ACP6: variants seen among roughly 807,000 people sequenced by gnomAD.
ACP6 encodes acid phosphatase 6, lysophosphatidic, also known as lysophosphatidic acid phosphatase type 6.
In ACP6, 48 loss-of-function variants were observed where a neutral mutation model predicts 48.1. The observed-to-expected ratio is 1.00, with a 90% CI of 0.79 to 1.27. ACP6 has a LOEUF of 1.27. Ranked by LOEUF, ACP6 falls within the 50% of genes most tolerant of loss-of-function variation. The pLI is 0.00. For synonymous variants in ACP6, 172 were observed against 204.2 expected, an observed-to-expected ratio of 0.84 and a Z score of 1.34; for missense variants, 485 against 529.1, an observed-to-expected ratio of 0.92 and a Z score of 0.82.
In ACP6 at chr1:147,653,443, T is replaced by TAAA. The variant is rs879991731; in HGVS notation, c.780+748_780+750dup. ...CATGCCTGGCCTGTATTTTTTAACTTAAAAAAAAAAGATGAATAAAATACA... is the reference window on the plus strand; with the variant it reads ...CATGCCTGGCCTGTATTTTTTAACTTAAAAAAAAAAAAAGATGAATAAAATACA... On this transcript the variant is annotated intron_variant, in intron 6 of 9. Transcript: ENST00000583509. Among the ~76,000 whole-genome samples, 1,114 of 149,340 alleles carry TAAA rather than the reference T, an allele frequency of 7.5e-3. 11 individuals are homozygous for TAAA. The highest frequency in any genetic ancestry group is 0.024 in the African/African-American group (973 of 40,894).
At chr1:147,639,396 G>A (rs142317539), downstream of ACP6, among the ~76,000 whole-genome samples, 140 of 152,248 alleles carry the variant, frequency 9.2e-4, no homozygotes, top group African/African-American at 3.1e-3. Context: ...CAAGGCCCAG[G>A]TAAGCTGTGC....
intron 8 of ACP6, 37 bp from the exon 9 acceptor site, chr1:147,648,448 C>T (rs1553209967): frequency 6.2e-7 from 1 of 1,610,498 alleles, no homozygotes; most frequent in Non-Finnish European, 8.5e-7. Flanking sequence ...TTCTCTGCCT[C>T]AGGACTCTGA....
At chr1:147,648,642 C>G (rs1398287333) in intron 8 of ACP6, among the ~76,000 whole-genome samples, 1 of 152,120 alleles carries the variant, frequency 6.6e-6, no homozygotes, top group Non-Finnish European at 1.5e-5. Flanking sequence ...CTGGCCTCCT[C>G]CTTGCCACCT....
intron 5 of ACP6, among the ~76,000 whole-genome samples, chr1:147,636,007 A>C (rs1659289223): frequency 6.6e-6 from 1 of 152,180 alleles, no homozygotes; most frequent in South Asian, 2.1e-4. Context: ...CTTTCAAGAA[A>C]TAGGAGGTGG....
intron 8 of ACP6, chr1:147,649,891 T>C (rs1332012128): frequency 5.9e-6 from 3 of 509,990 alleles, no homozygotes; most frequent in Non-Finnish European, 1.0e-5. Context: ...GGCTACTGTT[T>C]GACATATCTT....
Position 147,644,666 on chromosome 1 carries a change from T to C in ACP6, c.*2757A>G, listed in dbSNP as rs1290451259. On this transcript the variant is annotated 3_prime_UTR_variant, in exon 10 of 10. Coordinates refer to ENST00000583509, the MANE Select transcript of ACP6 (RefSeq NM_016361.5). ...TGAAGAGAGATACAACAGGAGTTAC[T>C]GATGTAGTAGAGGTAGGATATGAGA... 1 of 152,202 alleles carries C rather than the reference T, an allele frequency of 6.6e-6. No individual in the cohort carries two copies. The highest frequency in any genetic ancestry group is 2.4e-5 in the African/African-American group (1 of 41,438). The allele number at this position is 152,202 out of a possible 1,614,324, so 9.4% of individuals were successfully genotyped here.
At chr1:147,636,115 G>A (rs6677424) in intron 5 of ACP6, among the ~76,000 whole-genome samples, 14,052 of 152,146 alleles carry the variant, frequency 0.092, 1,909 homozygotes, top group African/African-American at 0.3. Flanking sequence ...GAGTGTAGCT[G>A]TGGTAAAGCA....
intron 5 of ACP6, among the ~76,000 whole-genome samples, chr1:147,634,868 G>A (rs1368612458): frequency 1.3e-5 from 2 of 152,200 alleles, no homozygotes; most frequent in Non-Finnish European, 2.9e-5. Context: ...TGAAAGAAAA[G>A]GAAGCTGCCC....
rs587748560 is a variant in ACP6 at position 147,670,314 on chromosome 1, C to T, written c.-266G>A. 7 of 405,280 alleles carry T rather than the reference C, an allele frequency of 1.7e-5. No homozygotes were observed. The highest frequency in any genetic ancestry group is 1.2e-4 in the African/African-American group (6 of 49,532). 25.1% of individuals were successfully genotyped at this position (405,280 alleles called of 1,614,324 possible). On this transcript the variant is annotated 5_prime_UTR_variant, in exon 1 of 10. Coordinates refer to ENST00000583509, the MANE Select transcript of ACP6 (RefSeq NM_016361.5). ...GGGGTTGGTCGCTCCTGCTGCACAC[C>T]GGGCCGGGGGAGATCGGATCCTTAT...
rs1660116263 is a variant in ACP6 at position 147,654,294 on chromosome 1, C to G, written c.680G>C (p.Gly227Ala). 6.2e-7 allele frequency: 1 copy of G among 1,614,182 alleles called. No homozygotes were observed. The highest frequency in any genetic ancestry group is 1.3e-5 in the African/African-American group (1 of 75,046). ...GRRQTASLQPGISEDLKKVKD... is the reference protein window; with the variant it reads ...GRRQTASLQPAISEDLKKVKD... ...CACCTTTTTCAAATCCTCTGAGATT[C>G]CTGGCTGTAAAGAGGCAGTCTGCCT... The change falls in exon 6 of 10, where the codon GGA becomes GCA. Residue 227 changes from glycine to alanine, a missense_variant. By Grantham distance (60) the Gly-to-Ala change is moderately conservative. Transcript: ENST00000583509.
intron 1 of ACP6, among the ~76,000 whole-genome samples, chr1:147,666,852 T>G (rs1042355114): frequency 6.6e-6 from 1 of 152,160 alleles, no homozygotes; most frequent in Non-Finnish European, 1.5e-5. Flanking sequence ...TTTAGCTGAG[T>G]TTTGGAAAGG....
intron 1 of ACP6, 123 bp downstream of exon 1, chr1:147,669,707 T>C (rs929931989): frequency 9.4e-7 from 1 of 1,068,052 alleles, no homozygotes; most frequent in Non-Finnish European, 1.3e-6. Context: ...TTTTCCCTTC[T>C]TCTGGACCCA....
intron 1 of ACP6, among the ~76,000 whole-genome samples, chr1:147,662,898 G>A (rs587717641): frequency 1.3e-5 from 2 of 152,138 alleles, no homozygotes; most frequent in Non-Finnish European, 2.9e-5. Context: ...CTTATTTTTA[G>A]AAATTGCCAC....
chr1:147,657,545 T>C (rs1418452073), intron 4 of ACP6, among the ~76,000 whole-genome samples: 1 of 152,088 alleles, frequency 6.6e-6, no homozygotes, highest in African/African-American at 2.4e-5. Flanking sequence ...CTCAGCCTCC[T>C]GAATAGCTGG....
At position 147,646,058 on chromosome 1, in the gene ACP6, ATC is replaced by A. The variant is rs1659611760; in HGVS notation, c.*1363_*1364del. The A allele has an allele frequency of 6.6e-6, 1 of 152,152 alleles. No homozygotes were observed. Among genetic ancestry groups the A allele is most frequent in the Non-Finnish European group, 1.5e-5 (1 of 68,030 alleles). 9.4% of individuals were successfully genotyped at this position (152,152 alleles called of 1,614,324 possible). A position where few individuals can be genotyped will look rare whatever the true frequency, so the allele number is the denominator to read the frequency against. ...TGGGGGATGTGGAAGTTTTCTTCTGATCTCTTTTAGATTCTTAGTAAAATAGG... is the reference window on the plus strand; with the variant it reads ...TGGGGGATGTGGAAGTTTTCTTCTGATCTTTTAGATTCTTAGTAAAATAGG... On this transcript the variant is annotated 3_prime_UTR_variant, in exon 10 of 10. Transcript: ENST00000583509.
intron 1 of ACP6, among the ~76,000 whole-genome samples, chr1:147,665,116 C>T (rs587639483): frequency 3.9e-4 from 59 of 152,272 alleles, no homozygotes; most frequent in African/African-American, 1.2e-3. Flanking sequence ...TGTATAAAGG[C>T]AAAAACTCGA....
chr1:147,660,818 TC>T (rs1660508904), intron 1 of ACP6, among the ~76,000 whole-genome samples: 1 of 152,270 alleles, frequency 6.6e-6, no homozygotes, highest in Admixed American at 6.5e-5. Flanking sequence ...TGTGATGTTT[TC>T]ATATATATTT....
Position 147,670,145 on chromosome 1 carries a change from G to T in ACP6, c.-97C>A, listed in dbSNP as rs1022032870. ...GCTCAGCGGGCGCCCCCAAGTCCGC[G>T]GGAACCTGCGGATGCGTACATCCAG... On this transcript the variant is annotated 5_prime_UTR_variant, in exon 1 of 10. Transcript: ENST00000583509. 2.8e-5 allele frequency: 32 copies of T among 1,161,944 alleles called. No homozygotes were observed. In the African/African-American group the frequency reaches 4.3e-4, roughly 16 times the overall value. 72.0% of individuals were successfully genotyped at this position (1,161,944 alleles called of 1,614,324 possible). A position where few individuals can be genotyped will look rare whatever the true frequency, so the allele number is the denominator to read the frequency against.
rs587701073 is a variant in ACP6, at chr1:147,668,158, C to T, written c.219+1672G>A. ...TGCACACAACTTTATACTAGAGAGC[C>T]GAAGACGTTTAAAGCATCTGTCTAA... On this transcript the variant is annotated intron_variant, in intron 1 of 9. Transcript: ENST00000583509. 2.9e-4 allele frequency among the ~76,000 whole-genome samples: 44 copies of T among 152,138 alleles called. 2 individuals carry two copies. The South Asian group carries it at 5.6e-3, about 19-fold the overall frequency.
Sources: allele counts gnomAD v4.1 joint callset (sites outside exome capture counted in the v4.1 genomes callset), GRCh38; gene constraint gnomAD v4.1.1; transcripts MANE v1.5; gene names NCBI Gene and HGNC (gene_info 2026-07-23, HGNC 2026-07-21).